PRKG1: variants seen among roughly 807,000 people sequenced by gnomAD.
PRKG1 encodes cGMP-dependent protein kinase 1.
A neutral mutation model predicts 88.1 loss-of-function variants in PRKG1; 35 were observed. The observed-to-expected ratio is 0.40, with a 90% CI of 0.30 to 0.53. The LOEUF (loss-of-function observed/expected upper bound fraction) is 0.53. Among genes scored for constraint, PRKG1 ranks in the 20% least tolerant of loss-of-function variants. The probability of loss-of-function intolerance (pLI) is 0.59; values close to 1 mark genes in which losing one functional copy is unlikely to be tolerated. For synonymous variants in PRKG1, 303 were observed against 292.5 expected (o/e 1.04, Z -0.37); for missense variants, 540 against 839.8 (o/e 0.64, Z 4.41).
At chr10:51,879,386 G>T (rs910394476) in intron 4 of PRKG1, among the ~76,000 whole-genome samples, 2 of 152,146 alleles carry the variant, frequency 1.3e-5, no homozygotes, top group Non-Finnish European at 2.9e-5. Flanking sequence ...CTGGCCTCAA[G>T]TCTCTTACTA....
At chr10:51,823,324 T>G (rs2132732632) in intron 4 of PRKG1, among the ~76,000 whole-genome samples, 1 of 152,302 alleles carries the variant, frequency 6.6e-6, no homozygotes, top group Admixed American at 6.5e-5. Context: ...GGAAAAATTT[T>G]AATGGAACTC....
rs571098093 is a variant in PRKG1, at chr10:51,135,412, A to G, written c.312-17752A>G. ...GGGCACGGAGTAGACTAGAATTCTG[A>G]TGGGTATGAAAGTCAATGTAAGAAT... On this transcript the variant is annotated intron_variant, in intron 1 of 17. Coordinates refer to ENST00000373980, the MANE Select transcript of PRKG1 (RefSeq NM_006258.4). 3.3e-5 allele frequency among the ~76,000 whole-genome samples: 5 copies of G among 152,292 alleles called. No homozygotes were observed. In the East Asian group the frequency reaches 7.7e-4, roughly 24 times the overall value.
At chr10:51,281,787 A>T (rs1410973834) in intron 2 of PRKG1, among the ~76,000 whole-genome samples, 8 of 152,282 alleles carry the variant, frequency 5.3e-5, no homozygotes, top group Admixed American at 3.3e-4. Flanking sequence ...TATGGACCAG[A>T]TTGTGAAGGG....
chr10:52,163,293 A>G (rs904018450), intron 9 of PRKG1, among the ~76,000 whole-genome samples: 1 of 148,758 alleles, frequency 6.7e-6, no homozygotes, highest in Non-Finnish European at 1.5e-5. Flanking sequence ...TACATCTTAT[A>G]TATAATTTAC....
chr10:51,070,359 G>A (rs1021298360), upstream of PRKG1, among the ~76,000 whole-genome samples: 5 of 152,080 alleles, frequency 3.3e-5, no homozygotes, highest in African/African-American at 4.8e-5. Flanking sequence ...AGAACAGACC[G>A]TCATGTCTGC....
At chr10:51,434,488 C>G (rs893917623) in intron 2 of PRKG1, among the ~76,000 whole-genome samples, 1 of 152,084 alleles carries the variant, frequency 6.6e-6, no homozygotes, top group Non-Finnish European at 1.5e-5. Flanking sequence ...AGCAGCTACC[C>G]TGGGATAAAT....
intron 3 of PRKG1, among the ~76,000 whole-genome samples, chr10:51,803,732 C>A (rs1488065631): frequency 6.6e-6 from 1 of 151,754 alleles, no homozygotes; most frequent in Non-Finnish European, 1.5e-5. Context: ...TTTTTTAGTT[C>A]ATTTGCTAGC....
intron 9 of PRKG1, among the ~76,000 whole-genome samples, chr10:52,186,236 G>A (rs941320221): frequency 6.6e-6 from 1 of 152,156 alleles, no homozygotes; most frequent in Non-Finnish European, 1.5e-5. Flanking sequence ...TGGTGGAAGG[G>A]AAAGGAGAAG....
intron 2 of PRKG1, among the ~76,000 whole-genome samples, chr10:51,164,093 CT>C (rs1432960517): frequency 6.6e-6 from 1 of 152,198 alleles, no homozygotes; most frequent in Non-Finnish European, 1.5e-5. Flanking sequence ...AGACTGCCTC[CT>C]GAAGTGGGTC....
intron 9 of PRKG1, among the ~76,000 whole-genome samples, chr10:52,241,546 T>C (rs368400007): frequency 1.1e-4 from 17 of 152,322 alleles, no homozygotes; most frequent in African/African-American, 2.9e-4. Context: ...CATTGCATTA[T>C]ACTGTCTTTT....
intron 1 of PRKG1, among the ~76,000 whole-genome samples, chr10:51,043,714 ACT>A (rs1247603283): frequency 6.6e-6 from 1 of 151,908 alleles, no homozygotes; most frequent in Non-Finnish European, 1.5e-5. Flanking sequence ...TTTTTTTCTC[ACT>A]GTTTTATCCC....
intron 2 of PRKG1, among the ~76,000 whole-genome samples, chr10:51,333,395 A>G (rs1347974154): frequency 1.3e-5 from 2 of 152,232 alleles, no homozygotes; most frequent in African/African-American, 4.8e-5. Context: ...ACTATGAGGA[A>G]GATACTGTTA....
intron 1 of PRKG1, among the ~76,000 whole-genome samples, chr10:51,013,901 T>A (rs1318080586): frequency 6.6e-6 from 1 of 152,202 alleles, no homozygotes; most frequent in Non-Finnish European, 1.5e-5. Context: ...ACTATTTGTT[T>A]TAAATCGTCT....
intron 3 of PRKG1, among the ~76,000 whole-genome samples, chr10:51,560,687 G>T (rs1837435685): frequency 6.6e-6 from 1 of 151,710 alleles, no homozygotes; most frequent in African/African-American, 2.4e-5. Context: ...ATATTGAAAA[G>T]AAAATATTTT....
chr10:51,449,922 T>G (rs1447617597), intron 2 of PRKG1, among the ~76,000 whole-genome samples: 1 of 151,864 alleles, frequency 6.6e-6, no homozygotes, highest in African/African-American at 2.4e-5. Context: ...ACTTCTTATT[T>G]GTTTTTGATG....
intron 3 of PRKG1, among the ~76,000 whole-genome samples, chr10:51,749,094 A>G (rs1190279483): frequency 1.3e-5 from 2 of 152,216 alleles, no homozygotes; most frequent in African/African-American, 4.8e-5. Context: ...AAATGAGACA[A>G]TCTTTGAAAT....
chr10:51,015,817 G>A (rs750280457), intron 1 of PRKG1, among the ~76,000 whole-genome samples: 3 of 152,176 alleles, frequency 2.0e-5, no homozygotes, highest in Non-Finnish European at 2.9e-5. Flanking sequence ...AACCTGGAAG[G>A]TGGAGGTTGC....
intron 9 of PRKG1, among the ~76,000 whole-genome samples, chr10:52,210,924 A>C (rs531942545): frequency 6.6e-6 from 1 of 152,168 alleles, no homozygotes; most frequent in Non-Finnish European, 1.5e-5. Context: ...CAATATACTT[A>C]TTTTCTTCAG....
intron 10 of PRKG1, among the ~76,000 whole-genome samples, chr10:52,265,156 C>A (rs111641118): frequency 2.6e-5 from 4 of 151,814 alleles, no homozygotes; most frequent in Non-Finnish European, 5.9e-5. Flanking sequence ...GGTCTGAGGC[C>A]CAGTGAGATT....
Sources: gnomAD v4.1 joint callset for allele counts (sites outside exome capture counted in the v4.1 genomes callset) on GRCh38, gnomAD v4.1.1 for gene constraint, MANE v1.5 for transcripts, NCBI Gene and HGNC (gene_info 2026-07-23, HGNC 2026-07-21) for gene names.